Variants in USH2A observed in about 807,000 individuals in gnomAD.
The protein encoded by USH2A is usherin.
A neutral mutation model predicts 538.9 loss-of-function variants in USH2A; 443 were observed. The observed-to-expected ratio is 0.82, with a 90% CI of 0.76 to 0.89. The LOEUF (loss-of-function observed/expected upper bound fraction) is 0.89, where lower values mean the gene tolerates loss of function less well. USH2A is among the 40% of genes least tolerant of loss of function. USH2A has a pLI of 0.00. For synonymous variants in USH2A, 2,413 were observed against 2,273.5 expected (o/e 1.06, Z -1.75); for missense variants, 6,633 against 6,324.8 (o/e 1.05, Z -1.65).
chr1:216,127,801 T>C (rs567593922), intron 21 of USH2A, among the ~76,000 whole-genome samples: 1 of 152,288 alleles, frequency 6.6e-6, no homozygotes, highest in African/African-American at 2.4e-5. Context: ...CTTTTATTAA[T>C]TTTGCTTTTA....
At chr1:215,784,222 A>G (rs1661725871) in intron 52 of USH2A, among the ~76,000 whole-genome samples, 1 of 152,118 alleles carries the variant, frequency 6.6e-6, no homozygotes, top group Non-Finnish European at 1.5e-5. Flanking sequence ...TACTTGAAGG[A>G]GTATAGAAAG....
chr1:215,676,060 G>T (rs151054923), intron 62 of USH2A, among the ~76,000 whole-genome samples: 1 of 151,980 alleles, frequency 6.6e-6, no homozygotes, highest in East Asian at 1.9e-4. Context: ...GAATTACAAC[G>T]CTTAATCATT....
In USH2A at chr1:216,323,286, A is replaced by AAT. The variant is rs1305080454; in HGVS notation, c.1550+187_1550+188insAT. ...TTTATAAAATACGTTTTATATATAT[A>AAT]TATATATATATATATAACAATGTTA... On this transcript the variant is annotated intron_variant, in intron 8 of 71. Coordinates refer to ENST00000307340, the MANE Select transcript of USH2A (RefSeq NM_206933.4). 1.0e-3 allele frequency among the ~76,000 whole-genome samples: 148 copies of AAT among 143,522 alleles called. 1 individual carries two copies. Among genetic ancestry groups the AAT allele is most frequent in the African/African-American group, 3.8e-3 (142 of 37,348 alleles). The allele number at this position is 143,522 out of a possible 152,430, so 94.2% of individuals were successfully genotyped here.
intron 21 of USH2A, chr1:216,173,897 G>A (rs2102639476): frequency 1.1e-6 from 1 of 901,402 alleles, no homozygotes; most frequent in Non-Finnish European, 1.3e-6. Context: ...TGAGAAAAGA[G>A]TTTTACTATT....
At chr1:216,174,204 G>T in intron 21 of USH2A, 1 of 985,022 alleles carries the variant, frequency 1.0e-6, no homozygotes, top group Non-Finnish European at 1.2e-6. Flanking sequence ...CCATTTCATT[G>T]TCTTCACATA....
rs963959157 is a variant in USH2A, at chr1:216,101,051, T to G, written c.4628-3838A>C. 2.0e-5 allele frequency among the ~76,000 whole-genome samples: 3 copies of G among 152,292 alleles called. No homozygotes were observed. In the East Asian group the frequency reaches 5.8e-4, roughly 29 times the overall value. ...CAGCATTTTCCAAATAATTTAATCT[T>G]CTCATTTTTCTCTTTACACTGCCAA... On this transcript the variant is annotated intron_variant, in intron 21 of 71. Transcript: ENST00000307340.
At chr1:216,172,351 C>T (rs889849762) in intron 21 of USH2A, among the ~76,000 whole-genome samples, 7 of 151,918 alleles carry the variant, frequency 4.6e-5, no homozygotes, top group African/African-American at 1.7e-4. Flanking sequence ...TAATTATGTA[C>T]ATCAACCTTA....
intron 3 of USH2A, among the ~76,000 whole-genome samples, chr1:216,397,693 G>C (rs1405008717): frequency 1.3e-5 from 2 of 152,206 alleles, no homozygotes; most frequent in African/African-American, 4.8e-5. Context: ...GTGGTCTCTG[G>C]GGGATCTGGG....
At chr1:215,702,779 G>T (rs1311092371) in intron 61 of USH2A, among the ~76,000 whole-genome samples, 1 of 151,630 alleles carries the variant, frequency 6.6e-6, no homozygotes, top group African/African-American at 2.4e-5. Context: ...GCTCGGAGGA[G>T]TTTGTTATTA....
chr1:215,767,918 T>C (rs1443469790), intron 55 of USH2A, among the ~76,000 whole-genome samples: 1 of 152,126 alleles, frequency 6.6e-6, no homozygotes, highest in Non-Finnish European at 1.5e-5. Flanking sequence ...GAGAAAAAAA[T>C]AGTATTTTAA....
chr1:216,174,612 C>A, intron 21 of USH2A: 1 of 982,654 alleles, frequency 1.0e-6, no homozygotes, highest in South Asian at 4.7e-5. Context: ...TTTTTAGTGC[C>A]TTTAAATTTT....
intron 26 of USH2A, among the ~76,000 whole-genome samples, chr1:216,078,669 C>A (rs1452264306): frequency 5.3e-5 from 8 of 152,070 alleles, no homozygotes; most frequent in South Asian, 4.1e-4. Context: ...GAAGATTAAA[C>A]CCCTGCATAA....
chr1:215,676,661 G>T (rs1213206203), intron 62 of USH2A, among the ~76,000 whole-genome samples: 6 of 152,156 alleles, frequency 3.9e-5, no homozygotes, highest in East Asian at 1.9e-4. Context: ...TTGGAATGTT[G>T]TATGTTGGTG....
chr1:216,155,179 G>C (rs1297880166), intron 21 of USH2A, among the ~76,000 whole-genome samples: 1 of 152,088 alleles, frequency 6.6e-6, no homozygotes, highest in East Asian at 1.9e-4. Flanking sequence ...TGAAAGCAAA[G>C]ATGATCATAG....
rs556335578 is a variant in USH2A at position 216,391,085 on chromosome 1, G to A, written c.652-26000C>T. On this transcript the variant is annotated intron_variant, in intron 3 of 71. Transcript: ENST00000307340. ...ACTCTAAGCTCACTGTCAAGAATAC[G>A]CCCAAGCCTCTAACCACAGAGTTCA... 2.6e-5 allele frequency among the ~76,000 whole-genome samples: 4 copies of A among 152,220 alleles called. No individual in the cohort carries two copies. In the South Asian group the frequency reaches 6.2e-4, roughly 24 times the overall value.
At chr1:216,118,623 T>C (rs1558267744) in intron 21 of USH2A, among the ~76,000 whole-genome samples, 1 of 152,210 alleles carries the variant, frequency 6.6e-6, no homozygotes, top group Non-Finnish European at 1.5e-5. Context: ...TGATCGCCAC[T>C]CCAAGAGCTC....
chr1:216,256,684 T>C (rs2036265753), intron 11 of USH2A, among the ~76,000 whole-genome samples: 1 of 152,072 alleles, frequency 6.6e-6, no homozygotes, highest in South Asian at 2.1e-4. Context: ...ATGATCCACT[T>C]TCACTTAACA....
chr1:215,650,853 G>T, intron 64 of USH2A, 52 bp from the exon 65 acceptor site: 2,337 of 1,231,266 alleles, frequency 1.9e-3, no homozygotes, highest in Non-Finnish European at 2.4e-3. Flanking sequence ...CTAAGGCTGG[G>T]AAAAAAAAAA....
chr1:216,139,416 A>G (rs905346916), intron 21 of USH2A, among the ~76,000 whole-genome samples: 1 of 149,784 alleles, frequency 6.7e-6, no homozygotes, highest in Admixed American at 6.6e-5. Flanking sequence ...CCCTCTACAG[A>G]AAAAAAAAGA....
Sources: allele counts gnomAD v4.1 joint callset (sites outside exome capture counted in the v4.1 genomes callset), GRCh38; gene constraint gnomAD v4.1.1; transcripts MANE v1.5; gene names NCBI Gene and HGNC (gene_info 2026-07-23, HGNC 2026-07-21).